Variants in FRK observed in about 807,000 individuals in gnomAD.
FRK encodes the protein tyrosine-protein kinase FRK.
A neutral mutation model predicts 56.4 loss-of-function variants in FRK; 51 were observed. The observed-to-expected ratio is 0.90, with a 90% confidence interval of 0.72 to 1.14. The LOEUF is 1.14. FRK is among the 50% of genes most tolerant of loss of function. FRK has a pLI of 0.00. For synonymous variants in FRK, 245 were observed against 217.9 expected, an observed-to-expected ratio of 1.12 and a Z score of -1.10; for missense variants, 570 against 601.4, an observed-to-expected ratio of 0.95 and a Z score of 0.55.
chr6:116,009,204 T>C (rs1475476510), intron 1 of FRK, among the ~76,000 whole-genome samples: 3 of 152,250 alleles, frequency 2.0e-5, no homozygotes, highest in African/African-American at 7.2e-5. Flanking sequence ...AGTAGGTTAC[T>C]GTCTGTTCAT....
chr6:116,098,057 G>A, the FRK span, among the ~76,000 whole-genome samples: 1 of 150,614 alleles, frequency 6.6e-6, no homozygotes, highest in Non-Finnish European at 1.5e-5. Flanking sequence ...GGCGCTGTCA[G>A]GGTTGGTTTC....
chr6:116,043,956 C>A (rs576781659), intron 1 of FRK, among the ~76,000 whole-genome samples: 3 of 152,274 alleles, frequency 2.0e-5, no homozygotes, highest in African/African-American at 7.2e-5. Flanking sequence ...ACTATAAACA[C>A]CTCTACACAA....
At chr6:116,047,721 G>A (rs1181196695) in intron 1 of FRK, among the ~76,000 whole-genome samples, 3 of 152,162 alleles carry the variant, frequency 2.0e-5, no homozygotes, top group Admixed American at 6.5e-5. Flanking sequence ...GAGTCAGCTG[G>A]GCCAGTAGGA....
At chr6:116,003,024 C>A (rs147433716) in intron 2 of FRK, among the ~76,000 whole-genome samples, 148 of 152,186 alleles carry the variant, frequency 9.7e-4, no homozygotes, top group African/African-American at 3.4e-3. Context: ...CACAATGAGG[C>A]AAATGGGCAT....
At chr6:116,088,342 G>A in the FRK span, among the ~76,000 whole-genome samples, 1 of 152,084 alleles carries the variant, frequency 6.6e-6, no homozygotes, top group Non-Finnish European at 1.5e-5. Flanking sequence ...AAACAGACAT[G>A]AGAACTCAAT....
the FRK span, among the ~76,000 whole-genome samples, chr6:116,100,551 TG>T: frequency 2.6e-5 from 4 of 152,104 alleles, no homozygotes; most frequent in African/African-American, 9.7e-5. Context: ...GTTAATTTTG[TG>T]GTAGCCCTCG....
chr6:116,036,192 TG>T (rs2114774576), intron 1 of FRK, among the ~76,000 whole-genome samples: 1 of 152,296 alleles, frequency 6.6e-6, no homozygotes, highest in Non-Finnish European at 1.5e-5. Flanking sequence ...TTTCCTTCTT[TG>T]CTTAGACAAA....
At chr6:116,001,583 T>C (rs905099787) in intron 2 of FRK, among the ~76,000 whole-genome samples, 1 of 152,190 alleles carries the variant, frequency 6.6e-6, no homozygotes, top group Non-Finnish European at 1.5e-5. Flanking sequence ...ATGACTCAGC[T>C]GTATCAACCA....
At chr6:115,977,205 C>A (rs1157503444) in intron 2 of FRK, among the ~76,000 whole-genome samples, 17 of 152,128 alleles carry the variant, frequency 1.1e-4, no homozygotes. Context: ...CAGTTCAAGA[C>A]ACATGCTAAT....
chr6:115,982,875 C>G (rs956597101), intron 2 of FRK, among the ~76,000 whole-genome samples: 1 of 151,968 alleles, frequency 6.6e-6, no homozygotes, highest in Non-Finnish European at 1.5e-5. Flanking sequence ...AGTTTGAGAC[C>G]AGCCTAGCCA....
chr6:115,936,832 C>T lies in FRK; in HGVS notation c.*5582G>A, dbSNP rs918831731. 8 of 152,118 alleles carry T rather than the reference C, an allele frequency of 5.3e-5. No homozygotes were observed. Among genetic ancestry groups the T allele is most frequent in the African/African-American group, 1.9e-4 (8 of 41,432 alleles). The allele number at this position is 152,118 out of a possible 1,614,324, so 9.4% of individuals were successfully genotyped here. On this transcript the variant is annotated 3_prime_UTR_variant, in exon 8 of 8. Transcript: ENST00000606080. ...CAAGAAATATGGGATTATGTGAAAA[C>T]ACCAAGTCTACGTTTGATTGGTGTA...
At chr6:115,971,623 G>C (rs1188471730) in intron 2 of FRK, among the ~76,000 whole-genome samples, 1 of 152,110 alleles carries the variant, frequency 6.6e-6, no homozygotes, top group African/African-American at 2.4e-5. Flanking sequence ...CTCCAGCAAA[G>C]TTTTTCTGCC....
At chr6:116,048,646 A>G (rs1777069042) in intron 1 of FRK, among the ~76,000 whole-genome samples, 1 of 152,040 alleles carries the variant, frequency 6.6e-6, no homozygotes, top group Admixed American at 6.6e-5. Flanking sequence ...TCAACCTCCA[A>G]AAGTACTGGG....
intron 1 of FRK, among the ~76,000 whole-genome samples, 193 bp downstream of exon 1, chr6:116,059,772 TCAA>T (rs950708143): frequency 3.3e-5 from 5 of 152,224 alleles, no homozygotes; most frequent in African/African-American, 1.2e-4. Context: ...TGAAGTCATC[TCAA>T]CAACAATTAC....
At chr6:116,049,721 AAT>A (rs1777116845) in intron 1 of FRK, among the ~76,000 whole-genome samples, 1 of 152,214 alleles carries the variant, frequency 6.6e-6, no homozygotes, top group Admixed American at 6.6e-5. Context: ...ATAGGATAAT[AAT>A]ATAAGACAAT....
chr6:116,098,421 G>C, the FRK span, among the ~76,000 whole-genome samples: 1 of 152,090 alleles, frequency 6.6e-6, no homozygotes, highest in African/African-American at 2.4e-5. Flanking sequence ...GACAGCCGTG[G>C]TTTTGTGGCT....
chr6:115,986,968 A>C (rs1774419860), intron 2 of FRK, among the ~76,000 whole-genome samples: 1 of 152,112 alleles, frequency 6.6e-6, no homozygotes, highest in South Asian at 2.1e-4. Context: ...AAAATGCTGA[A>C]GCTACATCAC....
At chr6:115,984,689 A>G (rs1264689798) in intron 2 of FRK, among the ~76,000 whole-genome samples, 1 of 151,216 alleles carries the variant, frequency 6.6e-6, no homozygotes, top group Non-Finnish European at 1.5e-5. Context: ...TTTTTTCCTG[A>G]AATCTCAGTT....
At chr6:116,069,864 T>C in the FRK span, among the ~76,000 whole-genome samples, 3 of 152,082 alleles carry the variant, frequency 2.0e-5, no homozygotes, top group African/African-American at 7.2e-5. Flanking sequence ...ATTCAGTAGA[T>C]CTGGAGTGAA....
Sources: gnomAD v4.1 joint callset for allele counts (sites outside exome capture counted in the v4.1 genomes callset) on GRCh38, gnomAD v4.1.1 for gene constraint, MANE v1.5 for transcripts, NCBI Gene and HGNC (gene_info 2026-07-23, HGNC 2026-07-21) for gene names.